The following TBC1D22A variants were observed in gnomAD, a reference collection of about 807,000 sequenced individuals.
TBC1D22A encodes putative GTPase activator.
A neutral mutation model predicts 60.2 loss-of-function variants in TBC1D22A; 38 were observed. The observed-to-expected ratio is 0.63, with a 90% confidence interval of 0.49 to 0.83. TBC1D22A has a LOEUF of 0.83. Among genes scored for constraint, TBC1D22A ranks in the 40% least tolerant of loss-of-function variants. The pLI is 0.00. For synonymous variants in TBC1D22A, 302 were observed against 281.7 expected (o/e 1.07, Z -0.72); for missense variants, 628 against 701.0 (o/e 0.90, Z 1.18).
chr22:46,974,305 A>G lies in TBC1D22A; in HGVS notation c.1031A>G (p.Asp344Gly). 1.3e-6 allele frequency: 2 copies of G among 1,598,914 alleles called. No individual in the cohort carries two copies. Among genetic ancestry groups the G allele is most frequent in the Non-Finnish European group, 1.7e-6 (2 of 1,173,088 alleles). Residue 344 changes from aspartate (D) to glycine (G), a missense_variant, in exon 9 of 13, where the codon GAC (aspartate) becomes GGC (glycine). Physicochemically the swap from Asp to Gly is moderately conservative, Grantham distance 94 (BLOSUM62 -1). Transcript: ENST00000337137. The part of the protein sequence containing the change: ...ICEYIEAEEV[D>G]TVDVSGVPAE... ...CGCCGCCCAGAGGCAGAGGAGGTGGACACGGTGGACGTCTCCGGCGTGCCC... is the reference window on the plus strand; with the variant it reads ...CGCCGCCCAGAGGCAGAGGAGGTGGGCACGGTGGACGTCTCCGGCGTGCCC...
rs929144042 is a variant in TBC1D22A, at chr22:46,953,854, G to A, written c.1016-20436G>A. Reference sequence around the variant, plus strand: ...TTGTTCAGCTTAGCTGTGCATGTGTGTGATTCTCCCAACACCCTTAAGAGG... The same window carrying A: ...TTGTTCAGCTTAGCTGTGCATGTGTATGATTCTCCCAACACCCTTAAGAGG... On this transcript the variant is annotated intron_variant, in intron 8 of 12. Coordinates refer to ENST00000337137, the MANE Select transcript of TBC1D22A (RefSeq NM_014346.5). Among the ~76,000 whole-genome samples the A allele has an allele frequency of 3.3e-5, 5 of 152,360 alleles. No homozygotes were observed. The East Asian group carries it at 5.8e-4, about 18-fold the overall frequency.
chr22:47,159,187 C>A (rs1001701939), intron 12 of TBC1D22A, among the ~76,000 whole-genome samples: 1 of 151,388 alleles, frequency 6.6e-6, no homozygotes, highest in African/African-American at 2.4e-5. Context: ...ACACACAACA[C>A]ACACCACGCA....
chr22:46,999,273 C>T (rs1305359708), intron 10 of TBC1D22A, among the ~76,000 whole-genome samples: 2 of 152,200 alleles, frequency 1.3e-5, no homozygotes, highest in Admixed American at 1.3e-4. Context: ...GGAACCCCAA[C>T]GAAATCTGTA....
rs190312387 is a variant in TBC1D22A at position 46,821,459 on chromosome 22, C to T, written c.637+23839C>T. Among the ~76,000 whole-genome samples, 4 of 152,272 alleles carry T rather than the reference C, an allele frequency of 2.6e-5. No individual in the cohort carries two copies. In the East Asian group the frequency reaches 7.7e-4, roughly 29 times the overall value. ...AGTTTATCTGGTGGTAACAAAATCCCTCAGCATTTGCTTGTGTGGAAAGGA... is the reference window on the plus strand; with the variant it reads ...AGTTTATCTGGTGGTAACAAAATCCTTCAGCATTTGCTTGTGTGGAAAGGA... On this transcript the variant is annotated intron_variant, in intron 4 of 12. Coordinates refer to ENST00000337137, the MANE Select transcript of TBC1D22A (RefSeq NM_014346.5).
chr22:46,951,766 C>T (rs150666991), intron 8 of TBC1D22A, among the ~76,000 whole-genome samples: 12 of 152,272 alleles, frequency 7.9e-5, no homozygotes, highest in South Asian at 6.2e-4. Context: ...TTTGTGCTGC[C>T]GGAAGCAGAA....
intron 11 of TBC1D22A, among the ~76,000 whole-genome samples, chr22:47,059,943 CCAGGGTA>C (rs1240967591): frequency 7.9e-5 from 12 of 152,172 alleles, no homozygotes; most frequent in Admixed American, 2.6e-4. Context: ...CTTCTCTGTT[CCAGGGTA>C]CAGGAGGCTG....
chr22:46,976,814 C>T (rs568161565), intron 9 of TBC1D22A, among the ~76,000 whole-genome samples: 173 of 152,180 alleles, frequency 1.1e-3, no homozygotes, highest in Non-Finnish European at 2.1e-3. Context: ...CGTGTTTGTT[C>T]ATCGGCTCTG....
In TBC1D22A at chr22:47,018,229, G is replaced by A. The variant is rs147601420; in HGVS notation, c.1202-18842G>A. ...ATGGAAGGGGCGCCCATGGAGGGGCGGAGTTTTCCCTGTGTTTCGTCTGCA... is the reference window on the plus strand; with the variant it reads ...ATGGAAGGGGCGCCCATGGAGGGGCAGAGTTTTCCCTGTGTTTCGTCTGCA... On this transcript the variant is annotated intron_variant, in intron 10 of 12. Transcript: ENST00000337137. 6.6e-5 allele frequency among the ~76,000 whole-genome samples: 10 copies of A among 152,390 alleles called. No individual in the cohort carries two copies. In the Middle Eastern group the frequency reaches 0.017, roughly 259 times the overall value.
In TBC1D22A at chr22:46,954,168, G is replaced by A. The variant is rs920376203; in HGVS notation, c.1016-20122G>A. ...AGGTCCACAGTAGCAAGTCCACAGGGCCCATAGGCACTAGAGTCAGACAGG... is the reference window on the plus strand; with the variant it reads ...AGGTCCACAGTAGCAAGTCCACAGGACCCATAGGCACTAGAGTCAGACAGG... On this transcript the variant is annotated intron_variant, in intron 8 of 12. Coordinates refer to ENST00000337137, the MANE Select transcript of TBC1D22A (RefSeq NM_014346.5). Among the ~76,000 whole-genome samples, 4 of 151,104 alleles carry A rather than the reference G, an allele frequency of 2.6e-5. No homozygotes were observed. In the East Asian group the frequency reaches 7.7e-4, roughly 29 times the overall value.
intron 12 of TBC1D22A, among the ~76,000 whole-genome samples, chr22:47,135,436 A>T (rs991248076): frequency 6.6e-6 from 1 of 152,220 alleles, no homozygotes; most frequent in Admixed American, 6.5e-5. Flanking sequence ...AAGCACAAGC[A>T]CAGCCTGGGG....
chr22:47,023,002 A>G (rs1485883565), intron 10 of TBC1D22A, among the ~76,000 whole-genome samples: 1 of 152,260 alleles, frequency 6.6e-6, no homozygotes, highest in Non-Finnish European at 1.5e-5. Context: ...AGCCATGCAC[A>G]GAAATGGAAA....
chr22:47,172,076 A>ACCCAGCACTCCCAGTGT (rs1569482659), intron 12 of TBC1D22A, among the ~76,000 whole-genome samples: 5 of 124,068 alleles, frequency 4.0e-5, no homozygotes, highest in East Asian at 1.1e-3. Context: ...ACTCCCAGTG[A>ACCCAGCACTCCCAGTGT]GCCTACCCAG....
chr22:47,111,616 C>A lies in TBC1D22A; in HGVS notation c.1425+13C>A, dbSNP rs200057272. 115 of 1,606,796 alleles carry A rather than the reference C, an allele frequency of 7.2e-5. 1 individual carries two copies. In the African/African-American group the frequency reaches 1.5e-3, roughly 21 times the overall value. On this transcript the variant is annotated intron_variant, in intron 12 of 12. Coordinates refer to ENST00000337137, the MANE Select transcript of TBC1D22A (RefSeq NM_014346.5). ...AAAAGATTTTCAAGTAAGTAAATGT[C>A]TTTTCAAAAGAACCCAAGTTTGATT...
intron 7 of TBC1D22A, among the ~76,000 whole-genome samples, chr22:46,905,566 G>A (rs942407013): frequency 3.3e-5 from 5 of 152,252 alleles, no homozygotes; most frequent in Non-Finnish European, 5.9e-5. Flanking sequence ...CGGGGTGGCC[G>A]CTGGAAGAGA....
intron 5 of TBC1D22A, among the ~76,000 whole-genome samples, chr22:46,884,223 A>AG (rs2067997256): frequency 6.6e-6 from 1 of 151,678 alleles, no homozygotes; most frequent in African/African-American, 2.4e-5. Context: ...GTGAGGGCCG[A>AG]GGAGGGGAAG....
intron 4 of TBC1D22A, among the ~76,000 whole-genome samples, chr22:46,863,222 GCTCTCCAGGTGGTCA>G (rs1477615526): frequency 3.9e-5 from 6 of 152,196 alleles, no homozygotes; most frequent in Non-Finnish European, 4.4e-5. Flanking sequence ...CCAGGAGGTG[GCTCTCCAGGTGGTCA>G]CTCTCCAAGA....
At chr22:46,970,198 G>T (rs980209005) in intron 8 of TBC1D22A, among the ~76,000 whole-genome samples, 14 of 152,030 alleles carry the variant, frequency 9.2e-5, no homozygotes, top group Admixed American at 7.9e-4. Flanking sequence ...CCAAGGCCCC[G>T]GGGCCTGAGA....
intron 12 of TBC1D22A, among the ~76,000 whole-genome samples, chr22:47,159,330 TAC>T (rs200271512): frequency 0.5 from 59,710 of 119,266 alleles, 13,335 homozygotes; most frequent in East Asian, 0.72. Context: ...CACACATGTA[TAC>T]ACACACACCA....
At chr22:46,894,575 C>G (rs1431510407) in intron 6 of TBC1D22A, among the ~76,000 whole-genome samples, 1 of 152,194 alleles carries the variant, frequency 6.6e-6, no homozygotes, top group Non-Finnish European at 1.5e-5. Flanking sequence ...AAGCCTGTCG[C>G]CTAGGCCTGG....
Sources: allele counts gnomAD v4.1 joint callset (sites outside exome capture counted in the v4.1 genomes callset), GRCh38; gene constraint gnomAD v4.1.1; transcripts MANE v1.5; gene names NCBI Gene and HGNC (gene_info 2026-07-23, HGNC 2026-07-21).